ZNF75D: variants seen among roughly 807,000 people sequenced by gnomAD.
The protein encoded by ZNF75D is zinc finger protein 75D.
ZNF75D carries 33 observed loss-of-function variants against 33.3 expected under a neutral mutation model. That is an observed-to-expected ratio of 0.99 (90% CI 0.75 to 1.32). ZNF75D has a LOEUF of 1.32. Ranked by LOEUF, ZNF75D falls within the 40% of genes most tolerant of loss-of-function variation. The probability of loss-of-function intolerance (pLI) is 0.00; values close to 1 mark genes in which losing one functional copy is unlikely to be tolerated. For missense variants in ZNF75D, 338 were observed against 367.5 expected, an observed-to-expected ratio of 0.92 and a Z score of 0.66; for synonymous variants, 113 against 130.6, an observed-to-expected ratio of 0.87 and a Z score of 0.92.
rs781810079 is a variant in ZNF75D at position 135,299,255 on chromosome X, G to T, written c.-390-3216C>A. On this transcript the variant is annotated intron_variant, in intron 1 of 6. Transcript: ENST00000370766. The stretch of plus-strand genomic sequence containing the variant: ...ACCATTTTACATTCCCCCCAGTACT[G>T]TGTGAGGGTTCTAATTTCTCTACAT... 6.2e-4 allele frequency among the ~76,000 whole-genome samples: 69 copies of T among 112,035 alleles called. 1 individual carries two copies. The highest frequency in any genetic ancestry group is 3.5e-3 in the Admixed American group (37 of 10,562).
intron 1 of ZNF75D, among the ~76,000 whole-genome samples, chrX:135,267,007 T>C (rs1556416389): frequency 9.0e-6 from 1 of 111,478 alleles, no homozygotes; most frequent in Non-Finnish European, 1.9e-5. Context: ...AGCATACCCA[T>C]GAATGACCAG....
At chrX:135,275,149 A>T (rs1206650877) in intron 1 of ZNF75D, among the ~76,000 whole-genome samples, 1 of 112,619 alleles carries the variant, frequency 8.9e-6, no homozygotes, top group Non-Finnish European at 1.9e-5. Flanking sequence ...ATTCTTTAAA[A>T]CCTGAAAGAG....
intron 1 of ZNF75D, among the ~76,000 whole-genome samples, chrX:135,339,671 T>C (rs1349748726): frequency 8.9e-6 from 1 of 112,202 alleles, no homozygotes; most frequent in Non-Finnish European, 1.9e-5. Flanking sequence ...TTAAAGTAGA[T>C]TCATTCACAT....
chrX:135,318,819 T>C (rs1156254299), intron 1 of ZNF75D, among the ~76,000 whole-genome samples: 1 of 111,800 alleles, frequency 8.9e-6, no homozygotes, highest in Non-Finnish European at 1.9e-5. Flanking sequence ...AGGTCAAAGA[T>C]ATTTAAATCT....
chrX:135,276,465 T>C (rs1418716211), intron 1 of ZNF75D, among the ~76,000 whole-genome samples: 2 of 111,758 alleles, frequency 1.8e-5, no homozygotes, highest in African/African-American at 6.5e-5. Flanking sequence ...AGTGGGACTG[T>C]TGGATCATAT....
intron 1 of ZNF75D, among the ~76,000 whole-genome samples, chrX:135,276,851 C>T (rs782209125): frequency 8.9e-6 from 1 of 111,800 alleles, no homozygotes; most frequent in East Asian, 2.8e-4. Flanking sequence ...CATAGTATTC[C>T]GTGGTGTATA....
chrX:135,312,182 T>C (rs1234342473), intron 1 of ZNF75D, among the ~76,000 whole-genome samples: 1 of 111,707 alleles, frequency 9.0e-6, no homozygotes, highest in Non-Finnish European at 1.9e-5. Flanking sequence ...TGGTATCTAT[T>C]ATTCCATTCT....
chrX:135,310,116 G>A (rs926043938), intron 1 of ZNF75D, among the ~76,000 whole-genome samples: 3 of 112,055 alleles, frequency 2.7e-5, no homozygotes, highest in Admixed American at 9.5e-5. Flanking sequence ...CAGCTGGGCC[G>A]GGGGTTTGGG....
rs1392104549 is a variant in ZNF75D at position 135,343,627 on chromosome X, T to C, written c.-2250A>G. ...CTGGCTCCGGGCGTAGGAACTTCCATAGTTTCCCTCTCACAGGAGGGGAAC... is the reference window on the plus strand; with the variant it reads ...CTGGCTCCGGGCGTAGGAACTTCCACAGTTTCCCTCTCACAGGAGGGGAAC... On this transcript the variant is annotated 5_prime_UTR_variant, in exon 1 of 7. It removes an upstream start codon present in the reference 5' UTR. Transcript: ENST00000370766. The C allele has an allele frequency of 8.9e-6, 1 of 111,852 alleles. No homozygotes were observed. The highest frequency in any genetic ancestry group is 2.8e-4 in the East Asian group (1 of 3,536). The allele number at this position is 111,852 out of a possible 1,213,427, so 9.2% of individuals were successfully genotyped here.
chrX:135,282,011 G>C (rs990301111), downstream of ZNF75D, among the ~76,000 whole-genome samples: 1 of 112,518 alleles, frequency 8.9e-6, no homozygotes, highest in Non-Finnish European at 1.9e-5. Context: ...AGCAGGGCTC[G>C]AGCACTGTGC....
chrX:135,316,926 G>A (rs1389373481), intron 1 of ZNF75D, among the ~76,000 whole-genome samples: 1 of 109,604 alleles, frequency 9.1e-6, no homozygotes, highest in African/African-American at 3.3e-5. Context: ...AACTTCTTTA[G>A]AATTGATAAT....
At chrX:135,274,249 C>G (rs782247059) in intron 1 of ZNF75D, among the ~76,000 whole-genome samples, 56 of 112,003 alleles carry the variant, frequency 5.0e-4, no homozygotes, top group Non-Finnish European at 8.6e-4. Context: ...ACTAAGTCTA[C>G]GCAATTTTCA....
chrX:135,313,305 T>C, intron 1 of ZNF75D, among the ~76,000 whole-genome samples: 1 of 111,816 alleles, frequency 8.9e-6, no homozygotes, highest in Non-Finnish European at 1.9e-5. Flanking sequence ...GGGCTGTAAA[T>C]ATATGAATTT....
At chrX:135,271,665 G>A (rs1318397414) in intron 1 of ZNF75D, among the ~76,000 whole-genome samples, 1 of 111,927 alleles carries the variant, frequency 8.9e-6, no homozygotes, top group Non-Finnish European at 1.9e-5. Flanking sequence ...TCACCCCATT[G>A]TTGAAGGAAG....
Position 135,343,891 on chromosome X carries a change from TC to T in ZNF75D, c.-2515del, listed in dbSNP as rs1556446384. The T allele has an allele frequency of 9.0e-6, 1 of 111,694 alleles. No homozygotes were observed. Among genetic ancestry groups the T allele is most frequent in the Non-Finnish European group, 1.9e-5 (1 of 53,118 alleles). 9.2% of individuals were successfully genotyped at this position (111,694 alleles called of 1,213,427 possible). On this transcript the variant is annotated 5_prime_UTR_variant, in exon 1 of 7. Coordinates refer to ENST00000370766, the MANE Select transcript of ZNF75D (RefSeq NM_007131.5). Reference sequence around the variant, plus strand: ...TGGGCTTGGGACGCTGCAGCTCCTGTCCCCGTTTCGCTTCTACCAGGACCTC... The same window carrying T: ...TGGGCTTGGGACGCTGCAGCTCCTGTCCCGTTTCGCTTCTACCAGGACCTC...
intron 1 of ZNF75D, among the ~76,000 whole-genome samples, chrX:135,310,376 C>T (rs185029198): frequency 8.9e-6 from 1 of 112,074 alleles, no homozygotes; most frequent in East Asian, 2.8e-4. Flanking sequence ...AAGTCAGATA[C>T]TCCAAGAAAC....
intron 1 of ZNF75D, among the ~76,000 whole-genome samples, chrX:135,310,763 T>G (rs1018011807): frequency 1.8e-5 from 2 of 111,118 alleles, no homozygotes; most frequent in African/African-American, 6.6e-5. Context: ...CTGTATTAGA[T>G]AGAAAATTTA....
intron 3 of ZNF75D, among the ~76,000 whole-genome samples, chrX:135,249,531 A>G (rs2083773187): frequency 1.9e-5 from 2 of 107,820 alleles, no homozygotes; most frequent in East Asian, 2.9e-4. Context: ...ATGTCTATCA[A>G]TTCTTGTCTC....
intron 1 of ZNF75D, among the ~76,000 whole-genome samples, chrX:135,267,765 G>C (rs1055229108): frequency 2.8e-5 from 3 of 105,271 alleles, no homozygotes; most frequent in Admixed American, 1.0e-4. Context: ...CATTCTGCAA[G>C]ACCAGTATTA....
Sources: allele counts gnomAD v4.1 joint callset (sites outside exome capture counted in the v4.1 genomes callset), GRCh38; gene constraint gnomAD v4.1.1; transcripts MANE v1.5; gene names NCBI Gene and HGNC (gene_info 2026-07-23, HGNC 2026-07-21).